Variants in SCAPER observed in about 807,000 individuals in gnomAD.
SCAPER encodes the protein S-phase cyclin A associated protein in the ER, also known as S phase cyclin A-associated protein in the endoplasmic reticulum.
Under a neutral mutation model 182.2 loss-of-function variants are expected in SCAPER, and 98 were observed. That is an observed-to-expected ratio of 0.54 (90% confidence interval 0.46 to 0.64). The LOEUF is 0.64. Among genes scored for constraint, SCAPER ranks in the 30% least tolerant of loss-of-function variants. The pLI is 0.00. For synonymous variants in SCAPER, 605 were observed against 564.6 expected, an observed-to-expected ratio of 1.07 and a Z score of -1.01; for missense variants, 1,432 against 1,690.0, an observed-to-expected ratio of 0.85 and a Z score of 2.68.
chr15:76,657,327 C>T (rs918155562), intron 21 of SCAPER, among the ~76,000 whole-genome samples: 4 of 151,870 alleles, frequency 2.6e-5, no homozygotes, highest in African/African-American at 9.7e-5. Context: ...TGGAAACATA[C>T]AACCTTTCAA....
chr15:76,516,085 G>C (rs561168764), intron 23 of SCAPER, among the ~76,000 whole-genome samples: 2 of 152,074 alleles, frequency 1.3e-5, no homozygotes, highest in East Asian at 3.9e-4. Context: ...CAACCACAGG[G>C]CCTTTGTCAA....
chr15:76,663,154 G>C (rs900245381), intron 21 of SCAPER, among the ~76,000 whole-genome samples: 44 of 152,022 alleles, frequency 2.9e-4, no homozygotes, highest in African/African-American at 1.0e-3. Context: ...GGAAAATACT[G>C]AACAGTTTTA....
At chr15:76,741,123 T>C (rs1015465884) in intron 15 of SCAPER, among the ~76,000 whole-genome samples, 1 of 152,100 alleles carries the variant, frequency 6.6e-6, no homozygotes, top group Non-Finnish European at 1.5e-5. Context: ...TCCCTTAAAA[T>C]GGAACTAAAA....
intron 24 of SCAPER, among the ~76,000 whole-genome samples, chr15:76,484,646 A>G (rs1269790730): frequency 6.6e-6 from 1 of 152,000 alleles, no homozygotes; most frequent in African/African-American, 2.4e-5. Flanking sequence ...CTATGAGGCG[A>G]GCATCACCTC....
chr15:76,889,541 A>C (rs1429236985), intron 1 of SCAPER, among the ~76,000 whole-genome samples: 1 of 152,206 alleles, frequency 6.6e-6, no homozygotes, highest in Non-Finnish European at 1.5e-5. Flanking sequence ...GATAAAACAG[A>C]CTTCAAACCA....
At chr15:76,490,743 C>T (rs1200880738) in intron 24 of SCAPER, among the ~76,000 whole-genome samples, 1 of 152,086 alleles carries the variant, frequency 6.6e-6, no homozygotes, top group Non-Finnish European at 1.5e-5. Flanking sequence ...TCCCCTAAGT[C>T]TTCTTTCATT....
At chr15:76,747,187 T>G (rs535395712) in intron 15 of SCAPER, among the ~76,000 whole-genome samples, 6 of 152,306 alleles carry the variant, frequency 3.9e-5, no homozygotes, top group Admixed American at 1.3e-4. Flanking sequence ...GGTTTGGCTG[T>G]CTGTCCCTTC....
intron 26 of SCAPER, among the ~76,000 whole-genome samples, chr15:76,417,235 C>A (rs1037160511): frequency 1.4e-5 from 2 of 143,296 alleles, no homozygotes; most frequent in African/African-American, 5.1e-5. Context: ...AACAAAAAAA[C>A]AAGAAACTGT....
chr15:76,727,414 C>G (rs764668083), intron 17 of SCAPER, among the ~76,000 whole-genome samples: 2 of 151,958 alleles, frequency 1.3e-5, no homozygotes, highest in African/African-American at 4.8e-5. Context: ...TGGACCAGAA[C>G]ACAACAGTCC....
At chr15:76,351,743 A>T (rs987013001) in intron 30 of SCAPER, among the ~76,000 whole-genome samples, 3 of 152,206 alleles carry the variant, frequency 2.0e-5, no homozygotes, top group African/African-American at 7.2e-5. Context: ...CTATTTTAAT[A>T]TCATTTTCTA....
intron 23 of SCAPER, among the ~76,000 whole-genome samples, chr15:76,545,091 C>T (rs2045142109): frequency 6.6e-6 from 1 of 152,140 alleles, no homozygotes; most frequent in African/African-American, 2.4e-5. Flanking sequence ...ACCCTAGAAA[C>T]CTTCAATGGG....
At position 76,822,819 on chromosome 15, in the gene SCAPER, T is replaced by TC. The variant is rs1214613281; in HGVS notation, c.394-18187dup. On this transcript the variant is annotated intron_variant, in intron 5 of 31. Coordinates refer to ENST00000563290, the MANE Select transcript of SCAPER (RefSeq NM_020843.4). ...GCACAGGCCACTAAAATCTAATCAC[T>TC]CCACTCCTCAGGAAGAAGAAATTGA... Among the ~76,000 whole-genome samples the TC allele has an allele frequency of 5.9e-5, 9 of 152,280 alleles. No individual in the cohort carries two copies. The East Asian group carries it at 1.5e-3, about 26-fold the overall frequency.
At chr15:76,393,416 AC>A (rs1232363087) in intron 27 of SCAPER, among the ~76,000 whole-genome samples, 5 of 152,120 alleles carry the variant, frequency 3.3e-5, no homozygotes, top group Non-Finnish European at 7.4e-5. Context: ...ATACCAACAA[AC>A]CCTTTGTCCA....
intron 25 of SCAPER, among the ~76,000 whole-genome samples, chr15:76,461,311 T>C (rs1362471507): frequency 1.3e-5 from 2 of 151,116 alleles, no homozygotes; most frequent in Admixed American, 1.3e-4. Flanking sequence ...GTTTTCACTG[T>C]GAAGTTACTA....
At chr15:76,428,766 A>G (rs1441774508) in intron 26 of SCAPER, among the ~76,000 whole-genome samples, 1 of 150,960 alleles carries the variant, frequency 6.6e-6, no homozygotes, top group Non-Finnish European at 1.5e-5. Context: ...AGTGTTGTAT[A>G]TTACAAAATC....
At chr15:76,712,900 T>G (rs2150890918) in intron 17 of SCAPER, among the ~76,000 whole-genome samples, 1 of 152,308 alleles carries the variant, frequency 6.6e-6, no homozygotes, top group Middle Eastern at 3.4e-3. Flanking sequence ...ACAATTTGAT[T>G]TCCTCTTTTC....
intron 26 of SCAPER, among the ~76,000 whole-genome samples, chr15:76,417,557 A>T (rs914450163): frequency 2.0e-5 from 3 of 152,216 alleles, no homozygotes; most frequent in Non-Finnish European, 4.4e-5. Flanking sequence ...ACACAGGAAG[A>T]GGAGCTCCTT....
In SCAPER at chr15:76,832,517, C is replaced by T. The variant is rs546537983; in HGVS notation, c.393+9217G>A. ...CCTCTAACACACTGGCATTCCTGAA[C>T]GAGTCAGAGATAGAGCAGGCAATTT... On this transcript the variant is annotated intron_variant, in intron 5 of 31. Transcript: ENST00000563290. Among the ~76,000 whole-genome samples the T allele has an allele frequency of 1.8e-4, 27 of 152,282 alleles. 1 individual carries two copies. In the South Asian group the frequency reaches 5.2e-3, roughly 29 times the overall value.
In SCAPER at chr15:76,795,438, C is replaced by A. The variant is rs2065257942; in HGVS notation, c.614G>T (p.Gly205Val). The change falls in exon 8 of 32, where the codon GGT (glycine) becomes GTT (valine). Residue 205 changes from glycine (G) to valine (V), a missense_variant and splice_region_variant. Physicochemically the swap from Gly to Val is moderately radical, Grantham distance 109. Coordinates refer to ENST00000563290, the MANE Select transcript of SCAPER (RefSeq NM_020843.4). ...SNARRSLNFGGSTGTVPAPRL... is the reference protein window; with the variant it reads ...SNARRSLNFGVSTGTVPAPRL... ...AGGAGCTGGCACTGTGCCAGTTGAA[C>A]CTCTATGGAGAAAAATAAACACATT... 4 of 1,564,318 alleles carry A rather than the reference C, an allele frequency of 2.6e-6. No individual in the cohort carries two copies. The highest frequency in any genetic ancestry group is 2.5e-5 in the South Asian group (2 of 80,926).
Sources: allele counts gnomAD v4.1 joint callset (sites outside exome capture counted in the v4.1 genomes callset), GRCh38; gene constraint gnomAD v4.1.1; transcripts MANE v1.5; gene names NCBI Gene and HGNC (gene_info 2026-07-23, HGNC 2026-07-21).